BCL2L1: variants seen among roughly 807,000 people sequenced by gnomAD.
BCL2L1 encodes bcl-2-like protein 1.
In BCL2L1, 1 loss-of-function variant was observed where a neutral mutation model predicts 18.7. That is an observed-to-expected ratio of 0.05 (90% CI 0.02 to 0.25). The LOEUF is 0.25. Among genes scored for constraint, BCL2L1 ranks in the 10% least tolerant of loss-of-function variants. BCL2L1 has a pLI of 1.00. For missense variants in BCL2L1, 207 were observed against 304.9 expected, an observed-to-expected ratio of 0.68 and a Z score of 2.39; for synonymous variants, 103 against 122.7, an observed-to-expected ratio of 0.84 and a Z score of 1.06.
chr20:31,714,196 T>C (rs2061492518), intron 2 of BCL2L1, among the ~76,000 whole-genome samples: 1 of 152,204 alleles, frequency 6.6e-6, no homozygotes, highest in Admixed American at 6.5e-5. Context: ...CCACAAGGCC[T>C]AAGGATAGAG....
chr20:31,685,025 T>TA (rs1187192374), intron 2 of BCL2L1, among the ~76,000 whole-genome samples: 4 of 152,230 alleles, frequency 2.6e-5, no homozygotes, highest in Admixed American at 1.3e-4. Context: ...CCCTAGATTT[T>TA]AGAGACTCTA....
intron 2 of BCL2L1, among the ~76,000 whole-genome samples, chr20:31,671,636 C>T (rs1362348703): frequency 1.3e-5 from 2 of 151,994 alleles, no homozygotes; most frequent in Admixed American, 6.6e-5. Flanking sequence ...GAGACTCAGC[C>T]GTGAGCAAGG....
chr20:31,665,945 C>T lies in BCL2L1; in HGVS notation c.*4G>A. The stretch of plus-strand genomic sequence containing the variant: ...GGAGGGTAGAGTGGATGGTCAGTGT[C>T]TGGTCATTTCCGACTGAAGAGTGAG... On this transcript the variant is annotated 3_prime_UTR_variant, in exon 3 of 3. Transcript: ENST00000307677. The T allele has an allele frequency of 6.2e-7, 1 of 1,613,146 alleles. No homozygotes were observed. The highest frequency in any genetic ancestry group is 8.5e-7 in the Non-Finnish European group (1 of 1,179,896).
intron 2 of BCL2L1, among the ~76,000 whole-genome samples, chr20:31,692,949 G>A (rs964019631): frequency 8.6e-5 from 13 of 150,988 alleles, no homozygotes; most frequent in African/African-American, 3.2e-4. Flanking sequence ...GCGTGCGCCT[G>A]TAGTCCAGCT....
At chr20:31,679,507 A>T (rs1171582604) in intron 2 of BCL2L1, among the ~76,000 whole-genome samples, 2 of 152,202 alleles carry the variant, frequency 1.3e-5, no homozygotes, top group African/African-American at 4.8e-5. Context: ...ACCTGGTTGC[A>T]GGACCTGGAG....
chr20:31,669,249 A>G (rs2060631085), intron 2 of BCL2L1, among the ~76,000 whole-genome samples: 1 of 151,156 alleles, frequency 6.6e-6, no homozygotes, highest in African/African-American at 2.4e-5. Flanking sequence ...TTGTAGAGAC[A>G]GGGTCTCACT....
chr20:31,681,941 G>T (rs940741371), intron 2 of BCL2L1, among the ~76,000 whole-genome samples: 2 of 152,238 alleles, frequency 1.3e-5, no homozygotes, highest in Middle Eastern at 6.3e-3. Flanking sequence ...GCAAAGGGAG[G>T]GCAGGGCTCT....
At chr20:31,681,266 T>G (rs932024990) in intron 2 of BCL2L1, among the ~76,000 whole-genome samples, 14 of 152,066 alleles carry the variant, frequency 9.2e-5, no homozygotes, top group African/African-American at 3.4e-4. Flanking sequence ...AGGGGTCTGG[T>G]GAGATAATCA....
At chr20:31,695,851 CA>C (rs2061159108) in intron 2 of BCL2L1, among the ~76,000 whole-genome samples, 1 of 152,216 alleles carries the variant, frequency 6.6e-6, no homozygotes, top group African/African-American at 2.4e-5. Context: ...GTCACTTTAT[CA>C]GAGAGGCCTT....
intron 2 of BCL2L1, among the ~76,000 whole-genome samples, chr20:31,686,676 C>G (rs1320644231): frequency 6.6e-6 from 1 of 152,142 alleles, no homozygotes; most frequent in African/African-American, 2.4e-5. Context: ...GGCCACCCAG[C>G]ATGATACCCA....
At chr20:31,669,849 G>A (rs956025451) in intron 2 of BCL2L1, among the ~76,000 whole-genome samples, 1 of 152,106 alleles carries the variant, frequency 6.6e-6, no homozygotes, top group Non-Finnish European at 1.5e-5. Flanking sequence ...GTTAACAAAT[G>A]TATTGCATGT....
intron 2 of BCL2L1, among the ~76,000 whole-genome samples, chr20:31,685,030 A>C (rs758683713): frequency 6.6e-6 from 1 of 151,956 alleles, no homozygotes; most frequent in Non-Finnish European, 1.5e-5. Flanking sequence ...GATTTTAGAG[A>C]CTCTATATAA....
At chr20:31,695,603 T>C (rs2061153989) in intron 2 of BCL2L1, among the ~76,000 whole-genome samples, 1 of 152,228 alleles carries the variant, frequency 6.6e-6, no homozygotes, top group Non-Finnish European at 1.5e-5. Flanking sequence ...AGTAGCTAGC[T>C]AGGACTACAG....
upstream of BCL2L1, chr20:31,723,527 G>T (rs1247739298): frequency 5.1e-6 from 5 of 984,994 alleles, no homozygotes; most frequent in Non-Finnish European, 6.0e-6. Context: ...AGCTCACTAG[G>T]CCGGGTACCC....
At chr20:31,685,874 C>T (rs2060947886) in intron 2 of BCL2L1, among the ~76,000 whole-genome samples, 1 of 152,164 alleles carries the variant, frequency 6.6e-6, no homozygotes, top group African/African-American at 2.4e-5. Context: ...TCTGGGGGCA[C>T]CTCATTTTCT....
At chr20:31,704,104 CT>C (rs59803981) in intron 2 of BCL2L1, among the ~76,000 whole-genome samples, 25,246 of 114,008 alleles carry the variant, frequency 0.22, 5,022 homozygotes, top group African/African-American at 0.6. Context: ...GGCCCTAAAC[CT>C]TTTTTTTTTT....
chr20:31,665,928 G>C lies in BCL2L1; in HGVS notation c.*21C>G. The C allele has an allele frequency of 6.2e-7, 1 of 1,611,514 alleles. No individual in the cohort carries two copies. The highest frequency in any genetic ancestry group is 8.5e-7 in the Non-Finnish European group (1 of 1,179,066). ...GAGCAGAGAAGGGGGTGGGAGGGTA[G>C]AGTGGATGGTCAGTGTCTGGTCATT... On this transcript the variant is annotated 3_prime_UTR_variant, in exon 3 of 3. Transcript: ENST00000307677.
intron 2 of BCL2L1, among the ~76,000 whole-genome samples, chr20:31,702,785 T>C (rs2061300903): frequency 6.6e-6 from 1 of 151,180 alleles, no homozygotes; most frequent in Middle Eastern, 3.4e-3. Context: ...GTGCTGGGAT[T>C]ACAGGGGTGA....
chr20:31,673,456 C>A (rs1312595791), intron 2 of BCL2L1, among the ~76,000 whole-genome samples: 4 of 148,100 alleles, frequency 2.7e-5, no homozygotes, highest in Non-Finnish European at 5.9e-5. Context: ...CCAGCCTGGG[C>A]AACACAGGAG....
Sources: gnomAD v4.1 joint callset for allele counts (sites outside exome capture counted in the v4.1 genomes callset) on GRCh38, gnomAD v4.1.1 for gene constraint, MANE v1.5 for transcripts, NCBI Gene and HGNC (gene_info 2026-07-23, HGNC 2026-07-21) for gene names.